LARGE1: variants seen among roughly 807,000 people sequenced by gnomAD.
The protein encoded by LARGE1 is xylosyl- and glucuronyltransferase LARGE1.
In LARGE1, 43 loss-of-function variants were observed where a neutral mutation model predicts 87.6. The ratio of observed to expected loss-of-function variants is 0.49; its 90% CI spans 0.38 to 0.63. The LOEUF (loss-of-function observed/expected upper bound fraction) is 0.63, where lower values mean the gene tolerates loss of function less well. LARGE1 is among the 30% of genes least tolerant of loss of function. The pLI is 0.00. For synonymous variants in LARGE1, 434 were observed against 394.6 expected, an observed-to-expected ratio of 1.10 and a Z score of -1.18; for missense variants, 802 against 1,000.2, an observed-to-expected ratio of 0.80 and a Z score of 2.67.
At chr22:33,660,863 T>C (rs1281765201) in intron 2 of LARGE1, among the ~76,000 whole-genome samples, 1 of 152,246 alleles carries the variant, frequency 6.6e-6, no homozygotes, top group South Asian at 2.1e-4. Context: ...TTTCCACTGA[T>C]TTAATTTTTT....
intron 5 of LARGE1, among the ~76,000 whole-genome samples, chr22:33,571,179 C>T: frequency 6.6e-6 from 1 of 152,128 alleles, no homozygotes; most frequent in East Asian, 1.9e-4. Context: ...AAGATTATCA[C>T]CTAATTCACT....
intron 2 of LARGE1, among the ~76,000 whole-genome samples, chr22:33,661,530 T>TG (rs2081123637): frequency 6.6e-6 from 1 of 152,004 alleles, no homozygotes; most frequent in African/African-American, 2.4e-5. Flanking sequence ...GTGATTTTTT[T>TG]TTTTTAAATG....
At chr22:33,573,030 G>A (rs1807469) in intron 5 of LARGE1, among the ~76,000 whole-genome samples, 18,691 of 152,010 alleles carry the variant, frequency 0.12, 1,867 homozygotes, top group African/African-American at 0.27. Flanking sequence ...AGTAAATTGG[G>A]GCTACTTACA....
At chr22:33,767,547 C>A (rs1245436355) in intron 1 of LARGE1, among the ~76,000 whole-genome samples, 2 of 151,612 alleles carry the variant, frequency 1.3e-5, no homozygotes, top group African/African-American at 4.8e-5. Flanking sequence ...ATTGGGAATA[C>A]ACCCTCCAGG....
chr22:33,882,052 T>G (rs1322934250), intron 1 of LARGE1, among the ~76,000 whole-genome samples: 2 of 150,728 alleles, frequency 1.3e-5, no homozygotes, highest in Non-Finnish European at 3.0e-5. Flanking sequence ...TTTGTTTTTT[T>G]TTTTTTTTGA....
At chr22:33,067,654 T>A in the LARGE1 span, among the ~76,000 whole-genome samples, 1 of 152,120 alleles carries the variant, frequency 6.6e-6, no homozygotes, top group Non-Finnish European at 1.5e-5. Flanking sequence ...CACATCCACA[T>A]TCTTTGAAAA....
the LARGE1 span, among the ~76,000 whole-genome samples, chr22:33,085,142 G>T: frequency 0.096 from 14,603 of 152,188 alleles, 1,581 homozygotes; most frequent in East Asian, 0.26. Flanking sequence ...TGGGTGTGGT[G>T]GCGGGCACCT....
chr22:33,910,459 C>T (rs1255505803), intron 1 of LARGE1, among the ~76,000 whole-genome samples: 1 of 152,150 alleles, frequency 6.6e-6, no homozygotes, highest in African/African-American at 2.4e-5. Flanking sequence ...TCACTAAGAC[C>T]CAAATCTAAT....
At chr22:33,846,540 T>A (rs2063435207) in intron 1 of LARGE1, among the ~76,000 whole-genome samples, 1 of 152,184 alleles carries the variant, frequency 6.6e-6, no homozygotes, top group Admixed American at 6.5e-5. Flanking sequence ...GTTCAGGGAA[T>A]AAGAGAGATA....
intron 7 of LARGE1, among the ~76,000 whole-genome samples, chr22:33,391,763 T>C (rs1299960965): frequency 2.4e-5 from 3 of 127,186 alleles, no homozygotes; most frequent in Admixed American, 1.6e-4. Context: ...ATTTCCTTTT[T>C]CCTTTTTTTT....
intron 2 of LARGE1, among the ~76,000 whole-genome samples, chr22:33,650,980 C>G (rs2080784010): frequency 6.6e-6 from 1 of 151,590 alleles, no homozygotes; most frequent in African/African-American, 2.4e-5. Flanking sequence ...GGCTTCTTAA[C>G]AATAAAGAAT....
At chr22:33,605,800 G>A (rs996163791) in intron 4 of LARGE1, among the ~76,000 whole-genome samples, 21 of 152,172 alleles carry the variant, frequency 1.4e-4, no homozygotes, top group Admixed American at 1.3e-3. Flanking sequence ...AGAGACAGAC[G>A]AGCGCAGTTA....
At chr22:33,244,357 A>C (rs142560815) in intron 11 of LARGE1, among the ~76,000 whole-genome samples, 274 of 152,314 alleles carry the variant, frequency 1.8e-3, no homozygotes, top group African/African-American at 6.1e-3. Context: ...AATTCTAATA[A>C]GCTAAGCAAA....
chr22:33,587,289 A>C (rs2078704291), intron 5 of LARGE1, among the ~76,000 whole-genome samples: 1 of 152,196 alleles, frequency 6.6e-6, no homozygotes, highest in African/African-American at 2.4e-5. Context: ...CTTGGAGCAA[A>C]GAATTTCTGC....
intron 2 of LARGE1, among the ~76,000 whole-genome samples, chr22:33,655,568 A>G (rs968871567): frequency 1.3e-5 from 2 of 152,132 alleles, no homozygotes; most frequent in Non-Finnish European, 1.5e-5. Context: ...ATGCAAGCCA[A>G]TTCCTTACAA....
the LARGE1 span, among the ~76,000 whole-genome samples, chr22:33,089,371 C>CTTCTTCTCCTT: frequency 5.3e-5 from 4 of 76,092 alleles, no homozygotes; most frequent in South Asian, 4.9e-4. Context: ...TTCTTCTTCT[C>CTTCTTCTCCTT]CTTCTTCTTC....
chr22:33,878,343 C>G (rs2064551682), intron 1 of LARGE1, among the ~76,000 whole-genome samples: 1 of 151,622 alleles, frequency 6.6e-6, no homozygotes, highest in African/African-American at 2.4e-5. Context: ...ATTGGCCAGG[C>G]TGGTCGCAAA....
chr22:33,104,925 T>C, the LARGE1 span, among the ~76,000 whole-genome samples: 6,200 of 118,388 alleles, frequency 0.052, 354 homozygotes, highest in East Asian at 0.28. Context: ...CTTTCTTTCT[T>C]TCTTTCTTTC....
intron 6 of LARGE1, among the ~76,000 whole-genome samples, chr22:33,515,643 C>G (rs960470318): frequency 1.3e-5 from 2 of 152,068 alleles, no homozygotes; most frequent in Non-Finnish European, 2.9e-5. Context: ...CCCCAGAAAC[C>G]CCCTCATTTT....
Sources: gnomAD v4.1 joint callset for allele counts (sites outside exome capture counted in the v4.1 genomes callset) on GRCh38, gnomAD v4.1.1 for gene constraint, MANE v1.5 for transcripts, NCBI Gene and HGNC (gene_info 2026-07-23, HGNC 2026-07-21) for gene names.